Variants in ARID5B observed in about 807,000 individuals in gnomAD.
ARID5B encodes AT-rich interactive domain-containing protein 5B.
In ARID5B, 13 loss-of-function variants were observed where a neutral mutation model predicts 97.2. The observed-to-expected ratio is 0.13, with a 90% CI of 0.09 to 0.21. The LOEUF (loss-of-function observed/expected upper bound fraction) is 0.21. Among genes scored for constraint, ARID5B ranks in the 10% least tolerant of loss-of-function variants. The pLI, the probability that ARID5B is intolerant of heterozygous loss-of-function variation, is 1.00. For synonymous variants in ARID5B, 556 were observed against 570.3 expected (o/e 0.97, Z 0.36); for missense variants, 1,210 against 1,465.3 (o/e 0.83, Z 2.84).
intron 8 of ARID5B, among the ~76,000 whole-genome samples, chr10:62,079,066 G>T (rs1277758905): frequency 6.6e-6 from 1 of 152,222 alleles, no homozygotes; most frequent in Admixed American, 6.5e-5. Context: ...TTATAGGCCT[G>T]TTGCCTCTGA....
At position 61,937,341 on chromosome 10, in the gene ARID5B, G is replaced by A. The variant is rs565854731; in HGVS notation, c.277-2842G>A. On this transcript the variant is annotated intron_variant, in intron 2 of 9. Coordinates refer to ENST00000279873, the MANE Select transcript of ARID5B (RefSeq NM_032199.3). ...AGTTTTAGAACACTTGGAAGGGCCCGCCATGCACATGGGCTGACTGGTTTG... is the reference window on the plus strand; with the variant it reads ...AGTTTTAGAACACTTGGAAGGGCCCACCATGCACATGGGCTGACTGGTTTG... Among the ~76,000 whole-genome samples the A allele has an allele frequency of 2.0e-5, 3 of 152,190 alleles. No homozygotes were observed. The South Asian group carries it at 6.2e-4, about 32-fold the overall frequency.
intron 3 of ARID5B, among the ~76,000 whole-genome samples, chr10:61,965,178 AGGGGC>A (rs1838526869): frequency 6.6e-6 from 1 of 152,216 alleles, no homozygotes; most frequent in East Asian, 1.9e-4. Flanking sequence ...TACAGTCCAA[AGGGGC>A]AGGGTATTTT....
Position 62,093,822 on chromosome 10 carries a change from A to G in ARID5B, c.*792A>G, listed in dbSNP as rs554248392. ...TGGGTGGTAAAGTTATTGTTTACAA[A>G]TTGAAGCAACTGATTCTAGTGGAAC... is the stretch of plus-strand genomic sequence containing the variant. On this transcript the variant is annotated 3_prime_UTR_variant, in exon 10 of 10. Transcript: ENST00000279873. 4.3e-5 allele frequency: 10 copies of G among 233,584 alleles called. No individual in the cohort carries two copies. Among genetic ancestry groups the G allele is most frequent in the African/African-American group, 2.0e-4 (9 of 45,432 alleles). The allele number at this position is 233,584 out of a possible 1,614,324, so 14.5% of individuals were successfully genotyped here.
chr10:62,074,433 C>G (rs1840101965), intron 8 of ARID5B, among the ~76,000 whole-genome samples: 2 of 151,948 alleles, frequency 1.3e-5, no homozygotes, highest in Admixed American at 6.6e-5. Flanking sequence ...TGTACCCAAG[C>G]CAGATGTACT....
chr10:62,079,084 A>C (rs1840176103), intron 8 of ARID5B, among the ~76,000 whole-genome samples: 1 of 152,228 alleles, frequency 6.6e-6, no homozygotes, highest in Non-Finnish European at 1.5e-5. Context: ...TGAGAAAAGG[A>C]GAATGCTCAC....
At chr10:62,049,409 G>A in intron 4 of ARID5B, 1 of 1,550,250 alleles carries the variant, frequency 6.5e-7, no homozygotes, top group Non-Finnish European at 8.7e-7. Flanking sequence ...CAGGGATGTG[G>A]CCGGGGAGCA....
In ARID5B at chr10:62,093,933, A is replaced by G. The variant is rs761856054; in HGVS notation, c.*903A>G. ...AACTTAAGGATTTTGTTCCTCATAA[A>G]TGGCATAGTTGAAAGAGCTTATACA... On this transcript the variant is annotated 3_prime_UTR_variant, in exon 10 of 10. Coordinates refer to ENST00000279873, the MANE Select transcript of ARID5B (RefSeq NM_032199.3). 2.6e-5 allele frequency: 6 copies of G among 233,576 alleles called. No individual in the cohort carries two copies. Among genetic ancestry groups the G allele is most frequent in the Non-Finnish European group, 5.1e-5 (6 of 118,070 alleles). The allele number at this position is 233,576 out of a possible 1,614,324, so 14.5% of individuals were successfully genotyped here. A position where few individuals can be genotyped will look rare whatever the true frequency, so the allele number is the denominator to read the frequency against.
chr10:62,090,742 C>T (rs1183486608), intron 9 of ARID5B, 120 bp from the exon 10 acceptor site: 3 of 1,274,216 alleles, frequency 2.4e-6, no homozygotes, highest in African/African-American at 3.0e-5. Flanking sequence ...ACAGAAACTT[C>T]ACGAGCTGAT....
chr10:61,917,346 A>G (rs1208248983), intron 2 of ARID5B, among the ~76,000 whole-genome samples: 1 of 152,092 alleles, frequency 6.6e-6, no homozygotes, highest in Non-Finnish European at 1.5e-5. Flanking sequence ...TATTTATTTA[A>G]GACAGAGTCT....
rs2132746632 is a variant in ARID5B, at chr10:61,902,141, T to A, written c.22-18T>A. 1 of 1,610,374 alleles carries A rather than the reference T, an allele frequency of 6.2e-7. No homozygotes were observed. Among genetic ancestry groups the A allele is most frequent in the Non-Finnish European group, 8.5e-7 (1 of 1,179,078 alleles). ...GATGGCTACATTATTTATTTGGTGT[T>A]TTTTTCCCCCCCTGCAGTGGGTCGG... On this transcript the variant is annotated intron_variant, in intron 1 of 9. Coordinates refer to ENST00000279873, the MANE Select transcript of ARID5B (RefSeq NM_032199.3).
intron 3 of ARID5B, among the ~76,000 whole-genome samples, chr10:61,980,081 G>A (rs1444709743): frequency 1.3e-5 from 2 of 151,266 alleles, no homozygotes; most frequent in Non-Finnish European, 2.9e-5. Flanking sequence ...CAACAAGAGC[G>A]AGACTCTGTC....
chr10:61,977,310 A>G (rs1371523142), intron 3 of ARID5B, among the ~76,000 whole-genome samples: 1 of 152,204 alleles, frequency 6.6e-6, no homozygotes, highest in Non-Finnish European at 1.5e-5. Flanking sequence ...TAGTGCTGCA[A>G]TAAACATACG....
At chr10:62,085,157 A>T (rs1461253734) in intron 8 of ARID5B, among the ~76,000 whole-genome samples, 2 of 152,256 alleles carry the variant, frequency 1.3e-5, no homozygotes, top group Non-Finnish European at 2.9e-5. Context: ...ATGTTAAAAA[A>T]GAGAATAATA....
chr10:62,040,567 C>T (rs560258166), intron 4 of ARID5B, among the ~76,000 whole-genome samples: 1 of 152,132 alleles, frequency 6.6e-6, no homozygotes, highest in South Asian at 2.1e-4. Flanking sequence ...AAACCAGCAT[C>T]GCCCAAGAGA....
At position 62,083,190 on chromosome 10, in the gene ARID5B, A is replaced by T. The variant is rs115702159; in HGVS notation, c.1200-2512A>T. ...AGATACAAGAAACATTTAATTCCAG[A>T]TTTCCTGCTTCTGGCTTTAGGCCTT... On this transcript the variant is annotated intron_variant, in intron 8 of 9. Transcript: ENST00000279873. Among the ~76,000 whole-genome samples the T allele has an allele frequency of 3.5e-3, 528 of 149,636 alleles. 2 individuals carry two copies. The highest frequency in any genetic ancestry group is 0.011 in the African/African-American group (449 of 40,670).
At chr10:61,932,111 C>T (rs996817625) in intron 2 of ARID5B, among the ~76,000 whole-genome samples, 2 of 152,096 alleles carry the variant, frequency 1.3e-5, no homozygotes, top group African/African-American at 4.8e-5. Context: ...ATGAATATCG[C>T]AATAAAGCTA....
chr10:61,936,844 CCCCA>C (rs371275425), intron 2 of ARID5B, among the ~76,000 whole-genome samples: 124,137 of 133,044 alleles, frequency 0.93, 57,634 homozygotes, highest in East Asian at 0.98. Context: ...TTTTTTTCTT[CCCCA>C]AAAAAAAAAA....
chr10:62,057,443 T>C (rs995770393), intron 6 of ARID5B, 125 bp downstream of exon 6: 104 of 969,490 alleles, frequency 1.1e-4, no homozygotes, highest in Non-Finnish European at 1.4e-4. Flanking sequence ...CTGTTTATAC[T>C]AAATCCATAA....
chr10:61,902,510 G>T (rs1843633751), intron 2 of ARID5B, 97 bp downstream of exon 2: 4 of 1,484,082 alleles, frequency 2.7e-6, no homozygotes, highest in Non-Finnish European at 3.6e-6. Context: ...ATTCACTTCT[G>T]CAGGCAAGCA....
Sources: gnomAD v4.1 joint callset for allele counts (sites outside exome capture counted in the v4.1 genomes callset) on GRCh38, gnomAD v4.1.1 for gene constraint, MANE v1.5 for transcripts, NCBI Gene and HGNC (gene_info 2026-07-23, HGNC 2026-07-21) for gene names.